ZNF664: variants seen among roughly 807,000 people sequenced by gnomAD.
The protein encoded by ZNF664 is zinc finger protein 664.
A neutral mutation model predicts 18.2 loss-of-function variants in ZNF664; 10 were observed. The observed-to-expected ratio is 0.55, with a 90% CI of 0.34 to 0.93. The LOEUF is 0.93. ZNF664 is among the 40% of genes least tolerant of loss of function. ZNF664 has a pLI of 0.02. For synonymous variants in ZNF664, 119 were observed against 104.2 expected (o/e 1.14, Z -0.86); for missense variants, 193 against 319.0 (o/e 0.61, Z 3.01).
rs538135949 is a variant in ZNF664, at chr12:123,986,030, TAGGGAC to T, written c.-756-2012_-756-2007del. ...AGGTCTTCGAGATGCTCATGAGCCT[TAGGGAC>T]TGTGCCTATATACCTAGAGATAAGA... On this transcript the variant is annotated intron_variant, in intron 2 of 4. Coordinates refer to ENST00000337815, the MANE Select transcript of ZNF664 (RefSeq NM_152437.3). Among the ~76,000 whole-genome samples, 5 of 152,156 alleles carry T rather than the reference TAGGGAC, an allele frequency of 3.3e-5. No individual in the cohort carries two copies. The South Asian group carries it at 1.0e-3, about 32-fold the overall frequency.
intron 3 of ZNF664, among the ~76,000 whole-genome samples, chr12:123,992,452 T>C (rs1045378605): frequency 6.6e-6 from 1 of 152,204 alleles, no homozygotes; most frequent in South Asian, 2.1e-4. Flanking sequence ...CGGGCTGATA[T>C]CCTAAATTTA....
intron 3 of ZNF664, among the ~76,000 whole-genome samples, chr12:124,000,811 C>G (rs1371590456): frequency 6.6e-6 from 1 of 152,244 alleles, no homozygotes; most frequent in Non-Finnish European, 1.5e-5. Context: ...TCTCCTGTAG[C>G]TTAGTCCCAG....
chr12:123,996,673 T>G (rs1260609146), intron 3 of ZNF664, among the ~76,000 whole-genome samples: 3 of 151,744 alleles, frequency 2.0e-5, no homozygotes, highest in African/African-American at 7.3e-5. Context: ...TCAGACAGAG[T>G]GGACAGAATG....
At chr12:124,005,331 G>A (rs182681771) in intron 3 of ZNF664, among the ~76,000 whole-genome samples, 1 of 152,292 alleles carries the variant, frequency 6.6e-6, no homozygotes, top group Admixed American at 6.5e-5. Flanking sequence ...GGGTTTTGTT[G>A]AATGACCACA....
chr12:123,999,022 G>T (rs1452301710), intron 3 of ZNF664, among the ~76,000 whole-genome samples: 1 of 152,156 alleles, frequency 6.6e-6, no homozygotes, highest in Non-Finnish European at 1.5e-5. Flanking sequence ...ATTAATTAAG[G>T]GACCAAGAAG....
At chr12:123,974,620 A>G (rs1453613839) in intron 2 of ZNF664, 1 of 152,252 alleles carries the variant, frequency 6.6e-6, no homozygotes, top group Non-Finnish European at 1.5e-5. Flanking sequence ...GTCTTTGACT[A>G]TCAACCTCTG....
chr12:124,000,367 C>T (rs754696239), intron 3 of ZNF664, among the ~76,000 whole-genome samples: 10 of 152,204 alleles, frequency 6.6e-5, no homozygotes, highest in Non-Finnish European at 1.0e-4. Context: ...TTCCTACCTT[C>T]GCCTGTTCAT....
intron 2 of ZNF664, among the ~76,000 whole-genome samples, chr12:123,978,159 A>G (rs1480453724): frequency 6.6e-6 from 1 of 152,176 alleles, no homozygotes; most frequent in Non-Finnish European, 1.5e-5. Flanking sequence ...ATTCTTTAGG[A>G]AGAGAAGGGA....
In ZNF664 at chr12:124,008,305, A is replaced by G. The variant is rs560456408; in HGVS notation, c.-660-3076A>G. Among the ~76,000 whole-genome samples, 4 of 152,332 alleles carry G rather than the reference A, an allele frequency of 2.6e-5. No homozygotes were observed. In the South Asian group the frequency reaches 6.2e-4, roughly 24 times the overall value. ...TTAGGTTTTGCTTCAGTCTTTTGAC[A>G]AGAATGTCTTCAGAGGGTGCTGGGT... On this transcript the variant is annotated intron_variant, in intron 3 of 4. Coordinates refer to ENST00000337815, the MANE Select transcript of ZNF664 (RefSeq NM_152437.3).
At chr12:124,007,197 C>T (rs151027143) in intron 3 of ZNF664, among the ~76,000 whole-genome samples, 2 of 152,320 alleles carry the variant, frequency 1.3e-5, no homozygotes, top group Middle Eastern at 3.4e-3. Context: ...GTGAGACTTA[C>T]AGACAGGTCT....
At position 124,013,413 on chromosome 12, in the gene ZNF664, GC is replaced by G. The variant is rs1957155969; in HGVS notation, c.*487del. The G allele has an allele frequency of 5.5e-6, 1 of 180,348 alleles. No homozygotes were observed. The highest frequency in any genetic ancestry group is 1.3e-5 in the Non-Finnish European group (1 of 75,566). The allele number at this position is 180,348 out of a possible 1,614,324, so 11.2% of individuals were successfully genotyped here. ...ATTTCTGAGGTTAACACTTGATTTAGCCCCTACATATCTTTCCATATATCCT... is the reference window on the plus strand; with the variant it reads ...ATTTCTGAGGTTAACACTTGATTTAGCCCTACATATCTTTCCATATATCCT... On this transcript the variant is annotated 3_prime_UTR_variant, in exon 5 of 5. Transcript: ENST00000337815.
rs190386781 is a variant in ZNF664 at position 123,973,921 on chromosome 12, G to A, written c.-856G>A. ...GTCCGGCAGAGGAGGCGAGCATCCC[G>A]CTCAGGTGATGAGGAACCCCTCGCG... On this transcript the variant is annotated 5_prime_UTR_variant, in exon 2 of 5. Transcript: ENST00000337815. 8.1e-7 allele frequency: 1 copy of A among 1,231,894 alleles called. No individual in the cohort carries two copies. The highest frequency in any genetic ancestry group is 1.0e-6 in the Non-Finnish European group (1 of 988,098). The allele number at this position is 1,231,894 out of a possible 1,614,324, so 76.3% of individuals were successfully genotyped here.
At chr12:123,984,051 C>G (rs1345515461) in intron 2 of ZNF664, among the ~76,000 whole-genome samples, 1 of 152,164 alleles carries the variant, frequency 6.6e-6, no homozygotes, top group Non-Finnish European at 1.5e-5. Context: ...CCTCTGGAGG[C>G]CTTGTGAACA....
At chr12:123,973,415 G>A (rs1956620979) in intron 1 of ZNF664, 63 bp downstream of exon 1, 1 of 955,220 alleles carries the variant, frequency 1.0e-6, no homozygotes, top group Non-Finnish European at 1.2e-6. Flanking sequence ...GGGGGCCGGG[G>A]GCCAGGGAGC....
intron 3 of ZNF664, among the ~76,000 whole-genome samples, chr12:124,000,897 T>G (rs1566204740): frequency 6.6e-6 from 1 of 152,192 alleles, no homozygotes; most frequent in Non-Finnish European, 1.5e-5. Flanking sequence ...ATCTAAATGT[T>G]AACGGCTCAC....
intron 2 of ZNF664, among the ~76,000 whole-genome samples, chr12:123,975,776 A>T (rs1956683284): frequency 6.6e-6 from 1 of 152,234 alleles, no homozygotes; most frequent in Non-Finnish European, 1.5e-5. Context: ...GTGAATAAAC[A>T]TATTAGCAAA....
intron 3 of ZNF664, among the ~76,000 whole-genome samples, chr12:123,988,565 G>T (rs1956851319): frequency 6.6e-6 from 1 of 151,656 alleles, no homozygotes; most frequent in South Asian, 2.1e-4. Flanking sequence ...AAGCTCGGTT[G>T]CTTTGTAAAT....
At position 124,013,190 on chromosome 12, in the gene ZNF664, G is replaced by A. The variant is rs904703034; in HGVS notation, c.*260G>A. ...ACGTCGCTTCCTGGGATTCCAGCAC[G>A]ATGCCTCCATAGTTGAAAGACTACA... On this transcript the variant is annotated 3_prime_UTR_variant, in exon 5 of 5. Transcript: ENST00000337815. 7.7e-6 allele frequency: 4 copies of A among 520,680 alleles called. No homozygotes were observed. Among genetic ancestry groups the A allele is most frequent in the South Asian group, 2.4e-5 (1 of 41,912 alleles). 32.3% of individuals were successfully genotyped at this position (520,680 alleles called of 1,614,324 possible).
intron 2 of ZNF664, among the ~76,000 whole-genome samples, chr12:123,974,870 A>T (rs61151021): frequency 0.042 from 6,326 of 152,310 alleles, 410 homozygotes; most frequent in African/African-American, 0.13. Context: ...TTAAGTTTTA[A>T]CTTTAAAACA....
Sources: gnomAD v4.1 joint callset for allele counts (sites outside exome capture counted in the v4.1 genomes callset) on GRCh38, gnomAD v4.1.1 for gene constraint, MANE v1.5 for transcripts, NCBI Gene and HGNC (gene_info 2026-07-23, HGNC 2026-07-21) for gene names.